Variants in MTTP observed in about 807,000 individuals in gnomAD.
MTTP encodes the protein microsomal triglyceride transfer protein.
MTTP carries 49 observed loss-of-function variants against 90.6 expected under a neutral mutation model. The observed-to-expected ratio is 0.54, with a 90% CI of 0.43 to 0.69. The LOEUF (loss-of-function observed/expected upper bound fraction) is 0.69, where lower values mean the gene tolerates loss of function less well. Ranked by LOEUF, MTTP falls within the 30% of genes least tolerant of loss-of-function variation. The probability of loss-of-function intolerance (pLI) is 0.00; values close to 1 mark genes in which losing one functional copy is unlikely to be tolerated. For missense variants in MTTP, 945 were observed against 1,067.5 expected (o/e 0.89, Z 1.60); for synonymous variants, 347 against 384.2 (o/e 0.90, Z 1.13).
intron 3 of MTTP, among the ~76,000 whole-genome samples, chr4:99,589,331 A>G (rs1725355780): frequency 1.3e-5 from 2 of 151,922 alleles, no homozygotes; most frequent in Admixed American, 1.3e-4. Flanking sequence ...GTTCAAACAG[A>G]ATGTTCATCA....
Position 99,622,902 on chromosome 4 carries a change from G to A in MTTP, c.*54G>A, listed in dbSNP as rs1726277308. 6.4e-7 allele frequency: 1 copy of A among 1,556,170 alleles called. No individual in the cohort carries two copies. The highest frequency in any genetic ancestry group is 1.1e-5 in the South Asian group (1 of 89,908). ...TGTCTCCCCGAAAGGGACACAATGTGGCATGACTAAGTACTTGCTCTCTGA... is the reference window on the plus strand; with the variant it reads ...TGTCTCCCCGAAAGGGACACAATGTAGCATGACTAAGTACTTGCTCTCTGA... On this transcript the variant is annotated 3_prime_UTR_variant, in exon 18 of 18. Transcript: ENST00000265517.
intron 1 of MTTP, among the ~76,000 whole-genome samples, chr4:99,579,843 G>T (rs545276379): frequency 6.6e-6 from 1 of 151,894 alleles, no homozygotes; most frequent in Non-Finnish European, 1.5e-5. Flanking sequence ...TTCAGGACCA[G>T]CCTGGCCAAC....
intron 12 of MTTP, among the ~76,000 whole-genome samples, chr4:99,610,695 A>G (rs1030058982): frequency 6.6e-6 from 1 of 152,206 alleles, no homozygotes; most frequent in Admixed American, 6.5e-5. Context: ...ATATAGAAGA[A>G]ATACTGGAAA....
At chr4:99,584,315 A>C (rs1485512248) in intron 3 of MTTP, 1 of 152,110 alleles carries the variant, frequency 6.6e-6, no homozygotes, top group Non-Finnish European at 1.5e-5. Context: ...AAAGCAGGAA[A>C]ACAGAAAGGG....
chr4:99,564,308 A>T (rs970514277), intron 1 of MTTP: 1 of 1,432,102 alleles, frequency 7.0e-7, no homozygotes, highest in African/African-American at 1.4e-5. Context: ...AAGGCTCCTA[A>T]TTTTTCTGTG....
upstream of MTTP, among the ~76,000 whole-genome samples, chr4:99,573,443 G>A (rs544734068): frequency 2.6e-4 from 40 of 152,132 alleles, no homozygotes; most frequent in East Asian, 5.6e-3. Context: ...GGAAAACTTC[G>A]TATTTATAAC....
Position 99,594,829 on chromosome 4 carries a change from G to C in MTTP, c.855G>C (p.Thr285=), listed in dbSNP as rs140859988. The change falls in exon 7 of 18, where the codon ACG becomes ACC. Residue 285 remains threonine (T), a synonymous_variant. Transcript: ENST00000265517. The part of the protein sequence containing the change: ...AIIKAVDSKY[T]AIPIVGQVFQ... ...TCAAAGCAGTTGATTCAAAGTACAC[G>C]GCCATTCCCATTGTGGGGCAGGTCT... 2.5e-6 allele frequency: 4 copies of C among 1,613,874 alleles called. No homozygotes were observed. In the South Asian group the frequency reaches 3.3e-5, roughly 13 times the overall value.
intron 10 of MTTP, among the ~76,000 whole-genome samples, chr4:99,602,007 T>G (rs1725711801): frequency 6.6e-6 from 1 of 152,100 alleles, no homozygotes; most frequent in African/African-American, 2.4e-5. Flanking sequence ...AAAGACTTGC[T>G]AAAAAGTGAA....
rs527730879 is a variant in MTTP at position 99,565,403 on chromosome 4, A to G, written c.-102+1166A>G. 9.2e-3 allele frequency among the ~76,000 whole-genome samples: 771 copies of G among 83,702 alleles called. 8 individuals carry two copies. The highest frequency in any genetic ancestry group is 0.033 in the African/African-American group (724 of 22,026). 54.9% of individuals were successfully genotyped at this position (83,702 alleles called of 152,430 possible). ...TTGGTGCAAAATTTAAAATGATTCT[A>G]TTATTAATCCAAAGTAAGCACCAAA... On this transcript the variant is annotated intron_variant, in intron 1 of 18. Transcript: ENST00000457717.
At chr4:99,612,824 G>A (rs1725993258) in intron 14 of MTTP, 89 bp from the exon 15 acceptor site, 1 of 1,275,466 alleles carries the variant, frequency 7.8e-7, no homozygotes, top group Non-Finnish European at 1.1e-6. Context: ...GGCCCCTTGA[G>A]AAGTTCTAGC....
At chr4:99,570,551 G>A (rs571263309), upstream of MTTP, 25 of 365,178 alleles carry the variant, frequency 6.8e-5, no homozygotes, top group East Asian at 1.8e-3. Flanking sequence ...TCTGTGGATT[G>A]GTATCTGTGA....
In MTTP at chr4:99,622,950, C is replaced by A; in HGVS notation, c.*102C>A. 2 of 1,380,918 alleles carry A rather than the reference C, an allele frequency of 1.4e-6. No homozygotes were observed. The highest frequency in any genetic ancestry group is 2.3e-5 in the East Asian group (1 of 43,740). 85.5% of individuals were successfully genotyped at this position (1,380,918 alleles called of 1,614,324 possible). A position where few individuals can be genotyped will look rare whatever the true frequency, so the allele number is the denominator to read the frequency against. ...TGAGAGCACAGCGTTTACATATTTA[C>A]CTGTATTTAAGATTTTTGTAAAAAG... On this transcript the variant is annotated 3_prime_UTR_variant, in exon 18 of 18. Coordinates refer to ENST00000265517, the MANE Select transcript of MTTP (RefSeq NM_001386140.1).
intron 4 of MTTP, 120 bp from the exon 5 acceptor site, chr4:99,591,115 T>C (rs994153582): frequency 5.3e-6 from 4 of 758,436 alleles, no homozygotes; most frequent in African/African-American, 5.2e-5. Flanking sequence ...CTTATCATCC[T>C]GGGGGAGAAA....
chr4:99,618,090 C>A (rs754157099), intron 15 of MTTP, among the ~76,000 whole-genome samples: 29 of 152,120 alleles, frequency 1.9e-4, no homozygotes, highest in Non-Finnish European at 3.2e-4. Flanking sequence ...TATATTCATA[C>A]AATTTTTAAA....
intron 15 of MTTP, among the ~76,000 whole-genome samples, chr4:99,615,868 A>T (rs571437675): frequency 6.6e-6 from 1 of 152,352 alleles, no homozygotes; most frequent in African/African-American, 2.4e-5. Context: ...CACTTATGGG[A>T]CCAAGAGGAT....
intron 1 of MTTP, among the ~76,000 whole-genome samples, chr4:99,581,191 C>T (rs1031016233): frequency 6.6e-6 from 1 of 152,180 alleles, no homozygotes; most frequent in African/African-American, 2.4e-5. Context: ...GAATTGGATA[C>T]TGTGTGAACT....
intron 10 of MTTP, among the ~76,000 whole-genome samples, chr4:99,603,288 A>C (rs1316317416): frequency 6.6e-6 from 1 of 152,136 alleles, no homozygotes; most frequent in Non-Finnish European, 1.5e-5. Flanking sequence ...ATCTTCATTA[A>C]TAACAAGCTA....
At chr4:99,568,843 G>A (rs1724767722) in intron 1 of MTTP, among the ~76,000 whole-genome samples, 1 of 152,008 alleles carries the variant, frequency 6.6e-6, no homozygotes, top group Admixed American at 6.6e-5. Flanking sequence ...TTAACCCAAA[G>A]TATAAATTAA....
chr4:99,611,174 G>A lies in MTTP; in HGVS notation c.1801G>A (p.Val601Ile), dbSNP rs541738610. The A allele has an allele frequency of 6.2e-7, 1 of 1,613,896 alleles. No individual in the cohort carries two copies. The highest frequency in any genetic ancestry group is 8.5e-7 in the Non-Finnish European group (1 of 1,179,958). ...KIVRRVLKEM[V>I]AHNYDRFSRS... ...TGTCCGTCGAGTTCTGAAGGAAATG[G>A]TCGCTCACAATTATGACCGTTTCTC... Residue 601 changes from valine (V) to isoleucine (I), a missense_variant, in exon 13 of 18, where the codon GTC becomes ATC. Transcript: ENST00000265517.
Sources: gnomAD v4.1 joint callset for allele counts (sites outside exome capture counted in the v4.1 genomes callset) on GRCh38, gnomAD v4.1.1 for gene constraint, MANE v1.5 for transcripts, NCBI Gene and HGNC (gene_info 2026-07-23, HGNC 2026-07-21) for gene names.